The following WDR26 variants were observed in gnomAD, a reference collection of about 807,000 sequenced individuals.
WDR26 encodes WD repeat-containing protein 26.
In WDR26, 5 loss-of-function variants were observed where a neutral mutation model predicts 84.1. The ratio of observed to expected loss-of-function variants is 0.06; its 90% confidence interval spans 0.03 to 0.13. WDR26 has a LOEUF of 0.13. Among genes scored for constraint, WDR26 ranks in the 10% least tolerant of loss-of-function variants. The probability of loss-of-function intolerance (pLI) is 1.00; values close to 1 mark genes in which losing one functional copy is unlikely to be tolerated. For missense variants in WDR26, 642 were observed against 974.9 expected (o/e 0.66, Z 4.55); for synonymous variants, 415 against 389.6 (o/e 1.07, Z -0.77).
intron 6 of WDR26, among the ~76,000 whole-genome samples, chr1:224,415,697 G>A (rs966645416): frequency 1.4e-4 from 22 of 152,100 alleles, no homozygotes; most frequent in Non-Finnish European, 2.5e-4. Flanking sequence ...TCCCGACCTC[G>A]TGATCCACTC....
intron 12 of WDR26, among the ~76,000 whole-genome samples, chr1:224,397,484 G>A (rs1202506270): frequency 6.6e-6 from 1 of 152,156 alleles, no homozygotes; most frequent in African/African-American, 2.4e-5. Context: ...ACACTTTAGA[G>A]TGACTTTAGG....
intron 1 of WDR26, 68 bp downstream of exon 1, chr1:224,433,616 T>G: frequency 3.2e-5 from 18 of 557,280 alleles, no homozygotes; most frequent in East Asian, 1.3e-4. Flanking sequence ...CTCCGCCCCT[T>G]CCCCTACCCC....
chr1:224,431,856 T>A (rs1195584053), intron 1 of WDR26, 75 bp from the exon 2 acceptor site: 1 of 1,176,824 alleles, frequency 8.5e-7, no homozygotes, highest in Admixed American at 3.1e-5. Context: ...CTAATGTCCA[T>A]GAAAACAGAT....
At chr1:224,407,448 T>G (rs1166377514) in intron 7 of WDR26, among the ~76,000 whole-genome samples, 1 of 148,848 alleles carries the variant, frequency 6.7e-6, no homozygotes, top group Non-Finnish European at 1.5e-5. Context: ...ATGTACTTTT[T>G]TCTCTCCATT....
At chr1:224,419,940 T>A (rs992001310) in intron 4 of WDR26, among the ~76,000 whole-genome samples, 3 of 152,142 alleles carry the variant, frequency 2.0e-5, no homozygotes, top group African/African-American at 7.2e-5. Flanking sequence ...GTAAGCACTA[T>A]TATTATTCTA....
chr1:224,421,633 T>C (rs569266501), intron 4 of WDR26, among the ~76,000 whole-genome samples: 221 of 152,180 alleles, frequency 1.5e-3, no homozygotes, highest in Non-Finnish European at 2.6e-3. Flanking sequence ...AGCTACCATA[T>C]CAAAACATCT....
intron 1 of WDR26, 78 bp from the exon 2 acceptor site, chr1:224,431,859 A>C: frequency 8.6e-7 from 1 of 1,161,482 alleles, no homozygotes; most frequent in Non-Finnish European, 1.2e-6. Context: ...ATGTCCATGA[A>C]AACAGATGCA....
In WDR26 at chr1:224,401,012, C is replaced by T. The variant is rs748912714; in HGVS notation, c.1657G>A (p.Ala553Thr). The T allele has an allele frequency of 6.2e-7, 1 of 1,614,166 alleles. No homozygotes were observed. Residue 553 changes from alanine (A) to threonine (T), a missense_variant, in exon 9 of 14, where the codon GCT (alanine) becomes ACT (threonine). Physicochemically the swap from Ala to Thr is moderately conservative, Grantham distance 58 (BLOSUM62 0). Around this residue, in one of 2 missense-constraint regions of WDR26, gnomAD observed 351 missense variants for 672.8 expected, o/e 0.52. Transcript: ENST00000414423. ...AAGCGCTTCCCATCTGGATTCCAAG[C>T]CACACTTGTCAAACTGTCTTCATGA...
intron 3 of WDR26, among the ~76,000 whole-genome samples, chr1:224,426,443 GA>G: frequency 6.6e-6 from 1 of 151,818 alleles, no homozygotes; most frequent in Non-Finnish European, 1.5e-5. Context: ...CTAAGGAACA[GA>G]AAAAAATTCA....
In WDR26 at chr1:224,413,210, C is replaced by T. The variant is rs571529295; in HGVS notation, c.1320-1645G>A. ...TCAAACAACAACAACAACAAAAACC[C>T]CCCCCCCCAAAAAAAACGTTATTTA... On this transcript the variant is annotated intron_variant, in intron 6 of 13. Coordinates refer to ENST00000414423, the MANE Select transcript of WDR26 (RefSeq NM_001379403.1). 8.8e-4 allele frequency: 599 copies of T among 683,798 alleles called. 3 individuals are homozygous for T. In the African/African-American group the frequency reaches 0.01, roughly 12 times the overall value. The allele number at this position is 683,798 out of a possible 1,614,324, so 42.4% of individuals were successfully genotyped here.
chr1:224,418,354 C>A lies in WDR26; in HGVS notation c.1225G>T (p.Val409Leu), dbSNP rs747277437. The change falls in exon 6 of 14, where the codon GTG becomes TTG. Residue 409 changes from valine (V) to leucine (L), a missense_variant. This residue lies in a region of WDR26 where 351 missense variants were observed against 672.8 expected (regional missense o/e 0.52). Transcript: ENST00000414423. ...AGGCACCGATCCCTTTGTAGTTCCACCGCCTGCCGCAGGAGAGTCTGTAAA... is the reference window on the plus strand; with the variant it reads ...AGGCACCGATCCCTTTGTAGTTCCAACGCCTGCCGCAGGAGAGTCTGTAAA... The A allele has an allele frequency of 1.9e-6, 3 of 1,613,624 alleles. No homozygotes were observed. The highest frequency in any genetic ancestry group is 3.3e-4 in the Middle Eastern group (2 of 6,056).
At position 224,419,595 on chromosome 1, in the gene WDR26, G is replaced by A. The variant is rs148488238; in HGVS notation, c.1085C>T (p.Ala362Val). The change falls in exon 5 of 14, where the codon GCA becomes GTA. Residue 362 changes from alanine to valine, a missense_variant. Around this residue, in one of 2 missense-constraint regions of WDR26, gnomAD observed 351 missense variants for 672.8 expected, o/e 0.52. Transcript: ENST00000414423. ...TTCTGCTTTTGCACGTAGGTCTTCT[G>A]CATGGCTACACATCAGATACCTAAA... The A allele has an allele frequency of 2.7e-5, 44 of 1,613,644 alleles. No homozygotes were observed. The highest frequency in any genetic ancestry group is 3.6e-5 in the Non-Finnish European group (43 of 1,179,648).
Position 224,431,403 on chromosome 1 carries a change from G to A in WDR26, c.927+74C>T, listed in dbSNP as rs535375952. Reference sequence around the variant, plus strand: ...TTTTAGGCCTTATTTTTTTATAAGAGGCAGAAGCCTAGAGTTATCAATAAC... The same window carrying A: ...TTTTAGGCCTTATTTTTTTATAAGAAGCAGAAGCCTAGAGTTATCAATAAC... On this transcript the variant is annotated intron_variant, in intron 3 of 13. Transcript: ENST00000414423. The A allele has an allele frequency of 9.7e-5, 130 of 1,337,230 alleles. 1 individual carries two copies. The highest frequency in any genetic ancestry group is 7.6e-4 in the South Asian group (60 of 78,806). 82.8% of individuals were successfully genotyped at this position (1,337,230 alleles called of 1,614,324 possible).
chr1:224,428,137 T>C (rs1229079178), intron 3 of WDR26, among the ~76,000 whole-genome samples: 1 of 152,224 alleles, frequency 6.6e-6, no homozygotes, highest in Non-Finnish European at 1.5e-5. Context: ...CTAGGATAGC[T>C]TGAATGATAG....
Position 224,404,835 on chromosome 1 carries a change from A to G in WDR26, c.1459-265T>C, listed in dbSNP as rs1406285222. ...ATAAAGATATATTAACATTTTTAAT[A>G]TATGTATAAAGATATATTGAATTTG... On this transcript the variant is annotated intron_variant, in intron 7 of 13. Transcript: ENST00000414423. Among the ~76,000 whole-genome samples the G allele has an allele frequency of 2.6e-5, 4 of 152,238 alleles. No individual in the cohort carries two copies. In the East Asian group the frequency reaches 7.7e-4, roughly 29 times the overall value.
At chr1:224,422,059 C>T (rs957770412) in intron 4 of WDR26, among the ~76,000 whole-genome samples, 1 of 152,032 alleles carries the variant, frequency 6.6e-6, no homozygotes. Flanking sequence ...AAAGAAAAAA[C>T]ATAAAAACAG....
intron 3 of WDR26, 168 bp from the exon 4 acceptor site, chr1:224,424,822 A>C: frequency 1.3e-6 from 1 of 746,076 alleles, no homozygotes; most frequent in South Asian, 1.8e-5. Context: ...GCCACAGTAG[A>C]TTAAATGTGA....
At chr1:224,418,444 G>C in intron 5 of WDR26, 28 bp from the exon 6 acceptor site, 2 of 1,564,778 alleles carry the variant, frequency 1.3e-6, no homozygotes, top group Non-Finnish European at 1.7e-6. Flanking sequence ...TTAAAAAAGA[G>C]AAATAATAAT....
At chr1:224,427,987 C>G (rs1286437138) in intron 3 of WDR26, among the ~76,000 whole-genome samples, 1 of 151,998 alleles carries the variant, frequency 6.6e-6, no homozygotes, top group Non-Finnish European at 1.5e-5. Context: ...AAAATAAACT[C>G]TCCTTTATGT....
Sources: allele counts gnomAD v4.1 joint callset (sites outside exome capture counted in the v4.1 genomes callset), GRCh38; gene constraint gnomAD v4.1.1; regional missense constraint gnomAD v4.1.1; transcripts MANE v1.5; gene names NCBI Gene and HGNC (gene_info 2026-07-23, HGNC 2026-07-21).